PTPRK: variants seen among roughly 807,000 people sequenced by gnomAD.
The protein encoded by PTPRK is receptor-type tyrosine-protein phosphatase kappa.
Under a neutral mutation model 178.0 loss-of-function variants are expected in PTPRK, and 75 were observed. The observed-to-expected ratio is 0.42, with a 90% CI of 0.35 to 0.51. PTPRK has a LOEUF of 0.51. PTPRK is among the 20% of genes least tolerant of loss of function. The probability of loss-of-function intolerance (pLI) is 0.02; values close to 1 mark genes in which losing one functional copy is unlikely to be tolerated. For synonymous variants in PTPRK, 637 were observed against 620.6 expected, an observed-to-expected ratio of 1.03 and a Z score of -0.39; for missense variants, 1,441 against 1,797.8, an observed-to-expected ratio of 0.80 and a Z score of 3.59.
chr6:128,054,374 T>C (rs374266259), intron 13 of PTPRK, among the ~76,000 whole-genome samples: 6 of 152,208 alleles, frequency 3.9e-5, no homozygotes, highest in African/African-American at 1.4e-4. Context: ...ATAATAGCAA[T>C]GAATTATAAG....
chr6:128,245,964 C>G (rs1304068158), intron 3 of PTPRK, among the ~76,000 whole-genome samples: 1 of 151,868 alleles, frequency 6.6e-6, no homozygotes, highest in Admixed American at 6.6e-5. Context: ...AAGTCTTAAC[C>G]CCATAATATG....
At chr6:128,504,533 A>G (rs773817026) in intron 1 of PTPRK, among the ~76,000 whole-genome samples, 1 of 152,204 alleles carries the variant, frequency 6.6e-6, no homozygotes, top group South Asian at 2.1e-4. Flanking sequence ...AATTAAAGGT[A>G]AAAACAACAG....
rs1777048001 is a variant in PTPRK, at chr6:127,995,466, A to G, written c.2840T>C (p.Ile947Thr). 6.3e-7 allele frequency: 1 copy of G among 1,586,912 alleles called. No homozygotes were observed. Among genetic ancestry groups the G allele is most frequent in the Non-Finnish European group, 8.6e-7 (1 of 1,158,580 alleles). Residue 947 changes from isoleucine (I) to threonine (T), a missense_variant, in exon 18 of 30, where the codon ATT becomes ACT. This residue lies in a region of PTPRK where 945 missense variants were observed against 1,080.6 expected (regional missense o/e 0.87). Coordinates refer to ENST00000368226, the MANE Select transcript of PTPRK (RefSeq NM_002844.4). ...PSSDYINANY[I>T]DGYQRPSHYI... ...CTTAACTATAAAAATACTTACATCA[A>G]TATAGTTGGCATTAATATAATCTGA... is the stretch of plus-strand genomic sequence containing the variant.
At chr6:128,273,880 T>C (rs1820303464) in intron 3 of PTPRK, among the ~76,000 whole-genome samples, 1 of 152,180 alleles carries the variant, frequency 6.6e-6, no homozygotes, top group African/African-American at 2.4e-5. Flanking sequence ...AACAGTTAGT[T>C]GTTCAGCAAG....
intron 1 of PTPRK, among the ~76,000 whole-genome samples, chr6:128,505,036 A>G (rs888555154): frequency 1.3e-5 from 2 of 151,674 alleles, no homozygotes; most frequent in Non-Finnish European, 2.9e-5. Flanking sequence ...AGTTTTGTTA[A>G]TGCTCCTTTT....
At chr6:128,375,786 C>A (rs2128352110) in intron 2 of PTPRK, among the ~76,000 whole-genome samples, 1 of 152,286 alleles carries the variant, frequency 6.6e-6, no homozygotes, top group African/African-American at 2.4e-5. Flanking sequence ...GGAGTACAGG[C>A]ATTGGGTAAA....
At chr6:128,238,625 C>T (rs1282357556) in intron 5 of PTPRK, among the ~76,000 whole-genome samples, 1 of 152,104 alleles carries the variant, frequency 6.6e-6, no homozygotes, top group Non-Finnish European at 1.5e-5. Flanking sequence ...GAACATATAT[C>T]TAAAATCATT....
chr6:128,409,381 A>T (rs1160973199), intron 1 of PTPRK: 10 of 445,758 alleles, frequency 2.2e-5, no homozygotes, highest in Middle Eastern at 3.3e-4. Flanking sequence ...ATAGAGGTAG[A>T]CACATCATAA....
At chr6:128,037,277 G>A (rs1562475453) in intron 13 of PTPRK, among the ~76,000 whole-genome samples, 1 of 152,038 alleles carries the variant, frequency 6.6e-6, no homozygotes, top group African/African-American at 2.4e-5. Flanking sequence ...AAGTCTCAGG[G>A]GTATTTAAAA....
At chr6:128,101,546 A>G (rs1788782853) in intron 7 of PTPRK, among the ~76,000 whole-genome samples, 2 of 152,230 alleles carry the variant, frequency 1.3e-5, no homozygotes, top group South Asian at 2.1e-4. Flanking sequence ...CACCTGAACT[A>G]TTAGGAAATC....
chr6:128,344,880 C>A (rs1832200948), intron 2 of PTPRK, among the ~76,000 whole-genome samples: 1 of 151,360 alleles, frequency 6.6e-6, no homozygotes, highest in African/African-American at 2.4e-5. Flanking sequence ...CCTCTGTAGA[C>A]AGAAGAAAAA....
intron 6 of PTPRK, among the ~76,000 whole-genome samples, chr6:128,189,387 A>T (rs1243545551): frequency 2.0e-5 from 3 of 151,168 alleles, no homozygotes; most frequent in African/African-American, 7.3e-5. Flanking sequence ...CTACAGGTGC[A>T]TGCCACCACA....
intron 7 of PTPRK, among the ~76,000 whole-genome samples, chr6:128,124,759 G>A (rs946703543): frequency 1.3e-5 from 2 of 152,056 alleles, no homozygotes; most frequent in Non-Finnish European, 2.9e-5. Context: ...CCAATCAGCT[G>A]GAGACCTGAA....
chr6:128,452,729 T>C (rs1211536519), intron 1 of PTPRK, among the ~76,000 whole-genome samples: 1 of 152,186 alleles, frequency 6.6e-6, no homozygotes, highest in Non-Finnish European at 1.5e-5. Flanking sequence ...TATAGAGATA[T>C]GACCATATTT....
chr6:128,439,070 G>T (rs2128399370), intron 1 of PTPRK, among the ~76,000 whole-genome samples: 1 of 152,238 alleles, frequency 6.6e-6, no homozygotes, highest in East Asian at 1.9e-4. Context: ...AGTGATCAAA[G>T]AATTGTTTTT....
At chr6:128,267,651 A>C (rs2128296002) in intron 3 of PTPRK, among the ~76,000 whole-genome samples, 1 of 152,250 alleles carries the variant, frequency 6.6e-6, no homozygotes, top group East Asian at 1.9e-4. Flanking sequence ...AAGACACCAC[A>C]GTTCACAATA....
chr6:128,515,478 AT>A (rs2128445650), intron 1 of PTPRK, among the ~76,000 whole-genome samples: 1 of 152,320 alleles, frequency 6.6e-6, no homozygotes, highest in East Asian at 1.9e-4. Flanking sequence ...AAGAAACACC[AT>A]TTGAAGAAGG....
chr6:128,493,738 T>A (rs1854246766), intron 1 of PTPRK, among the ~76,000 whole-genome samples: 1 of 151,900 alleles, frequency 6.6e-6, no homozygotes, highest in Admixed American at 6.6e-5. Flanking sequence ...AACCACATGG[T>A]AAACAAGCAC....
At chr6:128,431,592 G>T (rs1353679169) in intron 1 of PTPRK, among the ~76,000 whole-genome samples, 1 of 152,172 alleles carries the variant, frequency 6.6e-6, no homozygotes, top group Non-Finnish European at 1.5e-5. Context: ...GTTAGGGCAA[G>T]CCTCATTATG....
Sources: gnomAD v4.1 joint callset for allele counts (sites outside exome capture counted in the v4.1 genomes callset) on GRCh38, gnomAD v4.1.1 for gene constraint, gnomAD v4.1.1 regional missense constraint, MANE v1.5 for transcripts, NCBI Gene and HGNC (gene_info 2026-07-23, HGNC 2026-07-21) for gene names.